Variants in ATXN1 observed in about 807,000 individuals in gnomAD.
ATXN1 encodes the protein ataxin-1.
ATXN1 carries 8 observed loss-of-function variants against 56.4 expected under a neutral mutation model. The observed-to-expected ratio is 0.14, with a 90% confidence interval of 0.08 to 0.26. The LOEUF is 0.26. ATXN1 is among the 10% of genes least tolerant of loss of function. The pLI, the probability that ATXN1 is intolerant of heterozygous loss-of-function variation, is 1.00. For missense variants in ATXN1, 987 were observed against 1,106.5 expected (o/e 0.89, Z 1.53); for synonymous variants, 514 against 494.6 (o/e 1.04, Z -0.52).
At chr6:16,464,976 G>C (rs1189577524) in intron 6 of ATXN1, among the ~76,000 whole-genome samples, 1 of 152,180 alleles carries the variant, frequency 6.6e-6, no homozygotes, top group Non-Finnish European at 1.5e-5. Flanking sequence ...TGTTTGTCAG[G>C]GGTCGGGGAG....
rs570028894 is a variant in ATXN1, at chr6:16,383,937, G to A, written c.-160-55467C>T. On this transcript the variant is annotated intron_variant, in intron 6 of 7. Transcript: ENST00000436367. ...AAATCAGGAGCAACCTTGCCAGCCTGTGAACAAAAGACTAGCCAATGCCAC... is the reference window on the plus strand; with the variant it reads ...AAATCAGGAGCAACCTTGCCAGCCTATGAACAAAAGACTAGCCAATGCCAC... Among the ~76,000 whole-genome samples, 4 of 152,342 alleles carry A rather than the reference G, an allele frequency of 2.6e-5. No individual in the cohort carries two copies. In the East Asian group the frequency reaches 7.7e-4, roughly 29 times the overall value.
chr6:16,589,372 A>C (rs570040930), intron 3 of ATXN1, among the ~76,000 whole-genome samples: 20 of 151,862 alleles, frequency 1.3e-4, no homozygotes, highest in South Asian at 2.1e-4. Flanking sequence ...ACAACAACAA[A>C]AAAAAGAAAT....
At chr6:16,566,799 T>C (rs980564379) in intron 4 of ATXN1, among the ~76,000 whole-genome samples, 25 of 151,476 alleles carry the variant, frequency 1.7e-4, no homozygotes, top group Admixed American at 2.6e-4. Context: ...AAGGTTGCAG[T>C]GAGCCGAGAT....
At chr6:16,743,009 T>C (rs1047416422) in intron 2 of ATXN1, among the ~76,000 whole-genome samples, 1 of 152,180 alleles carries the variant, frequency 6.6e-6, no homozygotes, top group African/African-American at 2.4e-5. Context: ...AGGAGACTGA[T>C]CAAAGTCAGA....
chr6:16,620,154 C>A (rs952163019), intron 3 of ATXN1, among the ~76,000 whole-genome samples: 2 of 151,784 alleles, frequency 1.3e-5, no homozygotes, highest in African/African-American at 4.8e-5. Context: ...GTAGGAGAAA[C>A]CTTGATCTTA....
At chr6:16,428,736 G>A (rs1218050924) in intron 6 of ATXN1, among the ~76,000 whole-genome samples, 2 of 152,120 alleles carry the variant, frequency 1.3e-5, no homozygotes. Flanking sequence ...ACCATCACAT[G>A]CAGGGCCACC....
intron 4 of ATXN1, among the ~76,000 whole-genome samples, chr6:16,576,054 A>G (rs538583955): frequency 2.6e-5 from 4 of 152,132 alleles, no homozygotes; most frequent in Non-Finnish European, 5.9e-5. Flanking sequence ...GACTCTTTAT[A>G]TAGTGACTAT....
intron 4 of ATXN1, among the ~76,000 whole-genome samples, chr6:16,552,410 T>G (rs1196424330): frequency 1.3e-5 from 2 of 152,236 alleles, no homozygotes; most frequent in Non-Finnish European, 2.9e-5. Flanking sequence ...AAAATGTCCT[T>G]CTGCTGCTTC....
At chr6:16,378,429 A>G (rs1762186520) in intron 6 of ATXN1, among the ~76,000 whole-genome samples, 1 of 152,236 alleles carries the variant, frequency 6.6e-6, no homozygotes, top group South Asian at 2.1e-4. Context: ...GGTTAAGGGA[A>G]GTTCCCAGGA....
In ATXN1 at chr6:16,760,277, T is replaced by C. The variant is rs1447746425; in HGVS notation, c.-730+1021A>G. 6.6e-6 allele frequency among the ~76,000 whole-genome samples: 1 copy of C among 151,778 alleles called. No homozygotes were observed. Among genetic ancestry groups the C allele is most frequent in the African/African-American group, 2.4e-5 (1 of 41,348 alleles). ...TCCTCCTCCTTCCCCTCCTCCTGGC[T>C]TCATTCACCCTCCCAGCAGCCGCGC... On this transcript the variant is annotated intron_variant, in intron 1 of 7. Transcript: ENST00000436367. The surrounding 1 kb of genome is among the most constrained non-coding windows in gnomAD (Gnocchi z 5.3).
chr6:16,643,930 A>G (rs567023573), intron 3 of ATXN1, among the ~76,000 whole-genome samples: 3 of 152,340 alleles, frequency 2.0e-5, no homozygotes, highest in African/African-American at 7.2e-5. Flanking sequence ...TAAAGTATTG[A>G]TAACAAATAC....
intron 7 of ATXN1, among the ~76,000 whole-genome samples, chr6:16,311,850 G>A (rs748210347): frequency 6.6e-6 from 1 of 152,186 alleles, no homozygotes; most frequent in African/African-American, 2.4e-5. Context: ...CATCTGTCTC[G>A]TAAGACTCTC....
At chr6:16,668,035 G>A (rs6902174) in intron 2 of ATXN1, among the ~76,000 whole-genome samples, 90,929 of 151,926 alleles carry the variant, frequency 0.6, 27,550 homozygotes, top group African/African-American at 0.68. Context: ...CTCGGCTTTC[G>A]TAACTATTAA....
At chr6:16,419,093 C>T (rs1253087550) in intron 6 of ATXN1, among the ~76,000 whole-genome samples, 1 of 152,104 alleles carries the variant, frequency 6.6e-6, no homozygotes, top group Non-Finnish European at 1.5e-5. Flanking sequence ...GTACATATGT[C>T]TTACAACTGT....
chr6:16,373,883 A>C (rs1762095252), intron 6 of ATXN1, among the ~76,000 whole-genome samples: 1 of 152,138 alleles, frequency 6.6e-6, no homozygotes, highest in Admixed American at 6.6e-5. Flanking sequence ...AGGGCATCAC[A>C]CCCAAATTAG....
intron 2 of ATXN1, among the ~76,000 whole-genome samples, chr6:16,670,513 C>T (rs1388772051): frequency 6.6e-6 from 1 of 152,184 alleles, no homozygotes; most frequent in Non-Finnish European, 1.5e-5. Context: ...CTGGAGAAAA[C>T]AGATGTGGAG....
In ATXN1 at chr6:16,328,372, G is replaced by C. The variant is rs773278462; in HGVS notation, c.-62C>G. 99 of 1,445,022 alleles carry C rather than the reference G, an allele frequency of 6.9e-5. No homozygotes were observed. The highest frequency in any genetic ancestry group is 8.9e-5 in the Non-Finnish European group (98 of 1,103,650). 89.5% of individuals were successfully genotyped at this position (1,445,022 alleles called of 1,614,324 possible). On this transcript the variant is annotated 5_prime_UTR_variant, in exon 7 of 8. The change creates a new upstream start codon in the 5' untranslated region. Transcript: ENST00000436367. The surrounding 1 kb of genome is among the most constrained non-coding windows in gnomAD (Gnocchi z 6.2). Reference sequence around the variant, plus strand: ...GTCTGGATGGCTCTGATTTTAGTCTGATAAACGGAAAGTCACATTTGATTT... The same window carrying C: ...GTCTGGATGGCTCTGATTTTAGTCTCATAAACGGAAAGTCACATTTGATTT...
rs533984487 is a variant in ATXN1, at chr6:16,614,024, C to T, written c.-488-28117G>A. Among the ~76,000 whole-genome samples, 6 of 151,504 alleles carry T rather than the reference C, an allele frequency of 4.0e-5. No individual in the cohort carries two copies. The South Asian group carries it at 1.0e-3, about 26-fold the overall frequency. ...ACTTTGGGGACAGGTAATTTCAAAG[C>T]TTCCAGGATGCTACATGTGCCTTAA... is the stretch of plus-strand genomic sequence containing the variant. On this transcript the variant is annotated intron_variant, in intron 3 of 7. Coordinates refer to ENST00000436367, the MANE Select transcript of ATXN1 (RefSeq NM_001128164.2).
At chr6:16,744,554 A>C (rs912653825) in intron 2 of ATXN1, among the ~76,000 whole-genome samples, 5 of 152,136 alleles carry the variant, frequency 3.3e-5, no homozygotes, top group African/African-American at 1.2e-4. Context: ...GAGGGTTGAG[A>C]ACTGGGCAGA....
Sources: gnomAD v4.1 joint callset for allele counts (sites outside exome capture counted in the v4.1 genomes callset) on GRCh38, gnomAD v4.1.1 for gene constraint, Gnocchi (gnomAD v3.1) non-coding constraint, MANE v1.5 for transcripts, NCBI Gene and HGNC (gene_info 2026-07-23, HGNC 2026-07-21) for gene names.